The following PARP6 variants were observed in gnomAD, a reference collection of about 807,000 sequenced individuals.
PARP6 encodes protein mono-ADP-ribosyltransferase PARP6.
Under a neutral mutation model 92.0 loss-of-function variants are expected in PARP6, and 27 were observed. That is an observed-to-expected ratio of 0.29 (90% CI 0.22 to 0.40). The LOEUF (loss-of-function observed/expected upper bound fraction) is 0.40. PARP6 is among the 10% of genes least tolerant of loss of function. PARP6 has a pLI of 1.00. For missense variants in PARP6, 501 were observed against 784.5 expected (o/e 0.64, Z 4.32); for synonymous variants, 272 against 281.2 (o/e 0.97, Z 0.33).
Position 72,242,571 on chromosome 15 carries a change from T to TA in PARP6, c.1641+48dup. On this transcript the variant is annotated intron_variant, in intron 21 of 23. Coordinates refer to ENST00000569795, the MANE Select transcript of PARP6 (RefSeq NM_001323532.2). The surrounding 1 kb of genome is among the most constrained non-coding windows in gnomAD (Gnocchi z 4.3). ...TGTTTCCCTGTCCAGCTCTGGAGCC[T>TA]AAATTAGCCCCAGGGAAAGGTCCTG... 1 of 1,283,660 alleles carries TA rather than the reference T, an allele frequency of 7.8e-7. No homozygotes were observed. 79.5% of individuals were successfully genotyped at this position (1,283,660 alleles called of 1,614,324 possible). A position where few individuals can be genotyped will look rare whatever the true frequency, so the allele number is the denominator to read the frequency against.
At chr15:72,248,000 A>G (rs2083839800) in intron 20 of PARP6, among the ~76,000 whole-genome samples, 1 of 152,084 alleles carries the variant, frequency 6.6e-6, no homozygotes, top group Admixed American at 6.5e-5. Context: ...TGAACTCCTG[A>G]CCTCAAGTGA....
intron 17 of PARP6, 56 bp downstream of exon 17, chr15:72,251,151 C>G: frequency 8.2e-7 from 1 of 1,213,870 alleles, no homozygotes; most frequent in South Asian, 1.2e-5. Context: ...GGCTTCCAGC[C>G]CCTCCCTGCC....
rs2084377797 is a variant in PARP6 at position 72,251,699 on chromosome 15, A to G, written c.1260-444T>C. On this transcript the variant is annotated intron_variant, in intron 16 of 23. Coordinates refer to ENST00000569795, the MANE Select transcript of PARP6 (RefSeq NM_001323532.2). Reference sequence around the variant, plus strand: ...CTCAGAAGCCATCCTTCCTTAGCTTAAGAGAAAACATGAAAGCTCTCAGGA... The same window carrying G: ...CTCAGAAGCCATCCTTCCTTAGCTTGAGAGAAAACATGAAAGCTCTCAGGA... Among the ~76,000 whole-genome samples the G allele has an allele frequency of 2.0e-5, 3 of 152,370 alleles. No homozygotes were observed. The South Asian group carries it at 6.2e-4, about 32-fold the overall frequency.
chr15:72,254,956 G>A (rs1405220839), intron 14 of PARP6, among the ~76,000 whole-genome samples: 1 of 152,146 alleles, frequency 6.6e-6, no homozygotes, highest in African/African-American at 2.4e-5. Flanking sequence ...GTTTGTGAGG[G>A]TGTTTCTGGT....
chr15:72,243,056 C>G (rs1255410420), intron 20 of PARP6: 1 of 232,586 alleles, frequency 4.3e-6, no homozygotes, highest in Non-Finnish European at 8.4e-6. Flanking sequence ...TAATAGGATA[C>G]AGAAGGCCTG....
intron 3 of PARP6, 102 bp from the exon 4 acceptor site, chr15:72,266,924 G>GA (rs36102511): frequency 0.022 from 19,348 of 879,294 alleles, 412 homozygotes; most frequent in African/African-American, 0.089. Flanking sequence ...CAAAGATTGG[G>GA]AAATATAGAA....
Position 72,261,474 on chromosome 15 carries a change from A to G in PARP6, c.545+84T>C. The G allele has an allele frequency of 8.2e-6, 10 of 1,219,544 alleles. No homozygotes were observed. The South Asian group carries it at 1.3e-4, about 16-fold the overall frequency. 75.5% of individuals were successfully genotyped at this position (1,219,544 alleles called of 1,614,324 possible). A position where few individuals can be genotyped will look rare whatever the true frequency, so the allele number is the denominator to read the frequency against. ...AGACAGAATTCAGGGAAGAGAGGGG[A>G]TAGAAACATTTATGTAATCAAGAAG... On this transcript the variant is annotated intron_variant, in intron 9 of 23. Coordinates refer to ENST00000569795, the MANE Select transcript of PARP6 (RefSeq NM_001323532.2).
chr15:72,267,228 C>A (rs1320043166), intron 3 of PARP6: 6 of 582,566 alleles, frequency 1.0e-5, no homozygotes, highest in Admixed American at 6.0e-5. Context: ...CACCTAAACT[C>A]TCTTGTCTCA....
Position 72,265,945 on chromosome 15 carries a change from T to A in PARP6, c.128A>T (p.Asp43Val). 6.2e-7 allele frequency: 1 copy of A among 1,614,102 alleles called. No homozygotes were observed. The highest frequency in any genetic ancestry group is 8.5e-7 in the Non-Finnish European group (1 of 1,179,980). ...DLYRHPQLDA[D>V]IEAVKEIYSE... is the part of the protein sequence containing the mutation. ...GTAGATCTCCTTCACGGCTTCAATG[T>A]CTGCATCAAGCTGTGGGTGTCGATA... The change falls in exon 5 of 24, where the codon GAC (aspartate) becomes GTC (valine). Residue 43 changes from aspartate to valine, a missense_variant. Around this residue, in one of 4 missense-constraint regions of PARP6, gnomAD observed 291 missense variants for 352.0 expected, o/e 0.83. Transcript: ENST00000569795.
chr15:72,261,062 C>T (rs1332884152), intron 9 of PARP6, among the ~76,000 whole-genome samples: 1 of 152,184 alleles, frequency 6.6e-6, no homozygotes, highest in Non-Finnish European at 1.5e-5. Context: ...GAAGTAGTTG[C>T]ATCCCAAAGG....
At chr15:72,250,272 C>T in intron 18 of PARP6, 180 bp from the exon 19 acceptor site, 1 of 575,088 alleles carries the variant, frequency 1.7e-6, no homozygotes, top group Non-Finnish European at 3.2e-6. Context: ...TGTGGTTAAA[C>T]TCTACGTCTC....
rs773659579 is a variant in PARP6 at position 72,254,467 on chromosome 15, C to T, written c.1179G>A (p.Arg393=). The T allele has an allele frequency of 1.2e-6, 2 of 1,612,572 alleles. No individual in the cohort carries two copies. The highest frequency in any genetic ancestry group is 1.7e-6 in the Non-Finnish European group (2 of 1,178,614). ...GAAGGCAGAATACCTGGGTCATCTC[C>T]CGAATAGACATCACACTATCCAGAG... ...QKALDSVMSI[R]EMTQGSYLEI... Residue 393 remains arginine, a synonymous_variant, in exon 15 of 24, where the codon CGG becomes CGA. Coordinates refer to ENST00000569795, the MANE Select transcript of PARP6 (RefSeq NM_001323532.2).
At chr15:72,248,049 G>A (rs575558010) in intron 20 of PARP6, among the ~76,000 whole-genome samples, 8 of 152,260 alleles carry the variant, frequency 5.3e-5, no homozygotes, top group African/African-American at 1.7e-4. Flanking sequence ...GGGATTACAC[G>A]TGTGAGCCAC....
chr15:72,259,365 G>A (rs772446279), intron 11 of PARP6, among the ~76,000 whole-genome samples: 2 of 152,174 alleles, frequency 1.3e-5, no homozygotes, highest in Non-Finnish European at 2.9e-5. Context: ...TATGAGTCTC[G>A]ACACTCATAC....
intron 1 of PARP6, 89 bp from the exon 2 acceptor site, chr15:72,271,376 G>A (rs2087407019): frequency 6.6e-6 from 1 of 152,172 alleles, no homozygotes; most frequent in Non-Finnish European, 1.5e-5. Context: ...TTCAAACCAG[G>A]CTGCTTTAGT....
chr15:72,269,172 T>C (rs917147794), intron 2 of PARP6, among the ~76,000 whole-genome samples: 1 of 152,166 alleles, frequency 6.6e-6, no homozygotes, highest in Admixed American at 6.5e-5. Context: ...TCTTCTTTTT[T>C]TGTTTTCTGA....
At chr15:72,265,204 G>A (rs756710904) in intron 6 of PARP6, 33 bp from the exon 7 acceptor site, 5 of 1,492,264 alleles carry the variant, frequency 3.4e-6, no homozygotes, top group East Asian at 4.5e-5. Context: ...TTCCAGTTTA[G>A]CAACATAGAC....
At chr15:72,268,622 C>T (rs190453911) in intron 2 of PARP6, among the ~76,000 whole-genome samples, 2 of 152,256 alleles carry the variant, frequency 1.3e-5, no homozygotes, top group South Asian at 2.1e-4. Context: ...CGCTTGAATC[C>T]GGGAGGCGGA....
chr15:72,268,566 C>T (rs1398829410), intron 2 of PARP6, among the ~76,000 whole-genome samples: 3 of 152,192 alleles, frequency 2.0e-5, no homozygotes, highest in South Asian at 2.1e-4. Context: ...GGTGTGGTGG[C>T]GTGCGCTTAC....
Sources: allele counts gnomAD v4.1 joint callset (sites outside exome capture counted in the v4.1 genomes callset), GRCh38; gene constraint gnomAD v4.1.1; regional missense constraint gnomAD v4.1.1; non-coding constraint Gnocchi (gnomAD v3.1); transcripts MANE v1.5; gene names NCBI Gene and HGNC (gene_info 2026-07-23, HGNC 2026-07-21).